UNC5D: variants seen among roughly 807,000 people sequenced by gnomAD.
The protein encoded by UNC5D is netrin receptor UNC5D.
In UNC5D, 39 loss-of-function variants were observed where a neutral mutation model predicts 105.4. The observed-to-expected ratio is 0.37, with a 90% CI of 0.29 to 0.48. The LOEUF (loss-of-function observed/expected upper bound fraction) is 0.48. UNC5D is among the 20% of genes least tolerant of loss of function. The pLI is 0.98. For synonymous variants in UNC5D, 452 were observed against 450.4 expected (o/e 1.00, Z -0.04); for missense variants, 991 against 1,202.4 (o/e 0.82, Z 2.60).
At chr8:35,717,144 T>TC (rs1828296765) in intron 8 of UNC5D, among the ~76,000 whole-genome samples, 1 of 152,206 alleles carries the variant, frequency 6.6e-6, no homozygotes, top group East Asian at 1.9e-4. Context: ...TGTTTGTTTT[T>TC]CTGAAATGGG....
chr8:35,283,195 T>G (rs1010763147), intron 1 of UNC5D, among the ~76,000 whole-genome samples: 6 of 152,144 alleles, frequency 3.9e-5, no homozygotes, highest in African/African-American at 1.4e-4. Context: ...TTGAGAAAAT[T>G]TGCTCATGTA....
intron 2 of UNC5D, among the ~76,000 whole-genome samples, chr8:35,552,891 A>G (rs377479102): frequency 2.0e-5 from 3 of 152,224 alleles, no homozygotes; most frequent in African/African-American, 4.8e-5. Flanking sequence ...GACATCTACC[A>G]TATAAGCAAA....
intron 1 of UNC5D, among the ~76,000 whole-genome samples, chr8:35,270,992 G>A (rs1051708842): frequency 6.6e-6 from 1 of 151,578 alleles, no homozygotes; most frequent in African/African-American, 2.4e-5. Flanking sequence ...TTTCTCATCA[G>A]CAGAGCACAT....
At chr8:35,715,786 A>T (rs1391427048) in intron 8 of UNC5D, among the ~76,000 whole-genome samples, 4 of 151,942 alleles carry the variant, frequency 2.6e-5, no homozygotes, top group Admixed American at 6.5e-5. Flanking sequence ...GCAGCTCTTC[A>T]GGGAACAGAA....
At chr8:35,487,593 A>ACACACACACACACACACACACACC (rs1415748793) in intron 1 of UNC5D, among the ~76,000 whole-genome samples, 2 of 150,472 alleles carry the variant, frequency 1.3e-5, no homozygotes, top group African/African-American at 4.9e-5. Context: ...ACACACACAC[A>ACACACACACACACACACACACACC]CCCCACAGAC....
chr8:35,243,664 T>TA (rs997321987), intron 1 of UNC5D, among the ~76,000 whole-genome samples: 2 of 151,932 alleles, frequency 1.3e-5, no homozygotes, highest in South Asian at 2.1e-4. Flanking sequence ...ACAGTTGTTT[T>TA]AAAAAAAACA....
chr8:35,778,919 C>T (rs915902115), intron 16 of UNC5D, among the ~76,000 whole-genome samples: 14 of 152,144 alleles, frequency 9.2e-5, no homozygotes, highest in African/African-American at 2.2e-4. Context: ...GATGAGAATG[C>T]GAGAAATGTC....
At chr8:35,371,324 C>T (rs920926689) in intron 1 of UNC5D, among the ~76,000 whole-genome samples, 1 of 152,074 alleles carries the variant, frequency 6.6e-6, no homozygotes, top group African/African-American at 2.4e-5. Flanking sequence ...ACATCTTGGT[C>T]CCATTAATAT....
At chr8:35,248,677 A>C (rs1296789044) in intron 1 of UNC5D, among the ~76,000 whole-genome samples, 1 of 101,648 alleles carries the variant, frequency 9.8e-6, no homozygotes, top group Non-Finnish European at 1.7e-5. Context: ...TATGTTATAT[A>C]TAATATATAT....
At chr8:35,688,700 A>G (rs1030142054) in intron 7 of UNC5D, among the ~76,000 whole-genome samples, 2 of 152,246 alleles carry the variant, frequency 1.3e-5, no homozygotes, top group African/African-American at 4.8e-5. Context: ...GGATATTTAA[A>G]GAAATGTGCT....
In UNC5D at chr8:35,367,233, C is replaced by T. The variant is rs532464426; in HGVS notation, c.103+131346C>T. 1.9e-3 allele frequency among the ~76,000 whole-genome samples: 286 copies of T among 152,294 alleles called. 2 individuals are homozygous for T. Among genetic ancestry groups the T allele is most frequent in the Non-Finnish European group, 2.2e-3 (150 of 68,020 alleles). On this transcript the variant is annotated intron_variant, in intron 1 of 16. Transcript: ENST00000404895. Reference sequence around the variant, plus strand: ...ACTAGTGCATGTTGCTTTCTACCTACCCACCTACTTGCCTGTTTATTGAAA... The same window carrying T: ...ACTAGTGCATGTTGCTTTCTACCTATCCACCTACTTGCCTGTTTATTGAAA...
intron 1 of UNC5D, among the ~76,000 whole-genome samples, chr8:35,435,165 A>G (rs988778875): frequency 6.6e-6 from 1 of 152,108 alleles, no homozygotes; most frequent in Non-Finnish European, 1.5e-5. Flanking sequence ...TATCTATTTT[A>G]TATATAATTA....
chr8:35,361,693 G>GCTT (rs1403283859), intron 1 of UNC5D, among the ~76,000 whole-genome samples: 1 of 152,134 alleles, frequency 6.6e-6, no homozygotes, highest in African/African-American at 2.4e-5. Flanking sequence ...CACTTATGCA[G>GCTT]CTTCTCTTTC....
chr8:35,559,591 G>A (rs1816809985), intron 2 of UNC5D, among the ~76,000 whole-genome samples: 1 of 152,224 alleles, frequency 6.6e-6, no homozygotes, highest in African/African-American at 2.4e-5. Flanking sequence ...TAGGCACCGG[G>A]CTGGGGTTGG....
Position 35,568,114 on chromosome 8 carries a change from A to G in UNC5D, c.339A>G (p.Glu113=). Residue 113 remains glutamate (E), a synonymous_variant, in exon 3 of 17, where the codon GAA becomes GAG. Coordinates refer to ENST00000404895, the MANE Select transcript of UNC5D (RefSeq NM_080872.4). ...CACCATCAGGTTTGAAGGTCCGCGA[A>G]GTGTTCATCAATGTTACTAGGCAAC... The part of the protein sequence containing the change: ...LDESSGLKVR[E]VFINVTRQQV... 6.2e-7 allele frequency: 1 copy of G among 1,614,180 alleles called. No individual in the cohort carries two copies. The highest frequency in any genetic ancestry group is 2.2e-5 in the East Asian group (1 of 44,872).
chr8:35,303,187 T>C (rs1176726374), intron 1 of UNC5D, among the ~76,000 whole-genome samples: 1 of 152,164 alleles, frequency 6.6e-6, no homozygotes, highest in Non-Finnish European at 1.5e-5. Context: ...TCAATTTGGA[T>C]GCTAAATTTT....
At chr8:35,292,353 A>T (rs1919354) in intron 1 of UNC5D, among the ~76,000 whole-genome samples, 12,596 of 152,262 alleles carry the variant, frequency 0.083, 719 homozygotes, top group East Asian at 0.21. Flanking sequence ...CATTGCTACA[A>T]AGCCCATTAG....
intron 4 of UNC5D, among the ~76,000 whole-genome samples, chr8:35,666,725 C>T (rs751508881): frequency 2.1e-4 from 32 of 152,144 alleles, no homozygotes; most frequent in Non-Finnish European, 4.0e-4. Context: ...ATGTTTGTAA[C>T]TCATGAAACT....
intron 4 of UNC5D, among the ~76,000 whole-genome samples, chr8:35,663,730 C>T (rs1023719110): frequency 1.1e-4 from 17 of 152,138 alleles, no homozygotes; most frequent in Non-Finnish European, 7.3e-5. Context: ...ATGGTAATTA[C>T]TCCCCACAAA....
Sources: allele counts gnomAD v4.1 joint callset (sites outside exome capture counted in the v4.1 genomes callset), GRCh38; gene constraint gnomAD v4.1.1; transcripts MANE v1.5; gene names NCBI Gene and HGNC (gene_info 2026-07-23, HGNC 2026-07-21).